LPP: variants seen among roughly 807,000 people sequenced by gnomAD.
LPP encodes LIM domain containing preferred translocation partner in lipoma.
LPP carries 38 observed loss-of-function variants against 60.4 expected under a neutral mutation model. That is an observed-to-expected ratio of 0.63 (90% CI 0.49 to 0.83). The LOEUF is 0.83. Ranked by LOEUF, LPP falls within the 40% of genes least tolerant of loss-of-function variation. LPP has a pLI of 0.00. For synonymous variants in LPP, 328 were observed against 290.8 expected (o/e 1.13, Z -1.30); for missense variants, 902 against 783.6 (o/e 1.15, Z -1.80).
At chr3:188,364,002 C>G (rs1770358753) in intron 3 of LPP, among the ~76,000 whole-genome samples, 1 of 151,598 alleles carries the variant, frequency 6.6e-6, no homozygotes, top group African/African-American at 2.4e-5. Flanking sequence ...ATTAGCTGGA[C>G]TGTCTTGGTC....
intron 6 of LPP, among the ~76,000 whole-genome samples, chr3:188,544,624 G>C (rs1826050463): frequency 7.9e-6 from 1 of 126,126 alleles, no homozygotes; most frequent in Admixed American, 8.5e-5. Flanking sequence ...GAGAGGATGT[G>C]GAGAAATAGG....
At chr3:188,586,391 C>A (rs969629910) in intron 6 of LPP, among the ~76,000 whole-genome samples, 1 of 152,144 alleles carries the variant, frequency 6.6e-6, no homozygotes, top group Non-Finnish European at 1.5e-5. Flanking sequence ...ACAGTACAAG[C>A]ACAGTAAATT....
In LPP at chr3:188,687,252, C is replaced by T. The variant is rs143071650; in HGVS notation, c.1114-21015C>T. Among the ~76,000 whole-genome samples, 149 of 152,274 alleles carry T rather than the reference C, an allele frequency of 9.8e-4. 3 individuals are homozygous for T. Among genetic ancestry groups the T allele is most frequent in the African/African-American group, 2.0e-3 (85 of 41,550 alleles). ...GATGGAGGCAGATTTCCTCTCTCCC[C>T]CACCCTGGTATACCATAGTCTGTTC... On this transcript the variant is annotated intron_variant, in intron 7 of 11. Transcript: ENST00000617246.
intron 6 of LPP, among the ~76,000 whole-genome samples, chr3:188,602,809 G>A (rs979603778): frequency 6.6e-6 from 1 of 150,376 alleles, no homozygotes; most frequent in Non-Finnish European, 1.5e-5. Flanking sequence ...GAGAAGTCAC[G>A]TGACTTTCCC....
intron 8 of LPP, among the ~76,000 whole-genome samples, chr3:188,738,574 A>G (rs1277012985): frequency 1.3e-5 from 2 of 152,158 alleles, no homozygotes; most frequent in Non-Finnish European, 2.9e-5. Flanking sequence ...GTTATATTAT[A>G]TATGTGCAAT....
rs59389556 is a variant in LPP, at chr3:188,213,961, A to AACACACACACACACACACACACACACAC, written c.-189-11431_-189-11404dup. Among the ~76,000 whole-genome samples, 264 of 130,388 alleles carry AACACACACACACACACACACACACACAC rather than the reference A, an allele frequency of 2.0e-3. 4 individuals carry two copies. The highest frequency in any genetic ancestry group is 3.7e-3 in the South Asian group (12 of 3,250). 85.5% of individuals were successfully genotyped at this position (130,388 alleles called of 152,430 possible). On this transcript the variant is annotated intron_variant, in intron 1 of 11. Transcript: ENST00000617246. ...GAGTCCTGATTCTGATTAGATTTTA[A>AACACACACACACACACACACACACACAC]ACACACACACACACACACACACACA...
rs1341342369 is a variant in LPP at position 188,879,799 on chromosome 3, A to G, written c.*5320A>G. The G allele has an allele frequency of 5.5e-6, 1 of 180,850 alleles. No homozygotes were observed. The highest frequency in any genetic ancestry group is 1.2e-5 in the Non-Finnish European group (1 of 84,652). 11.2% of individuals were successfully genotyped at this position (180,850 alleles called of 1,614,324 possible). ...ACTTAGCCTGTAAGACTAATAATAT[A>G]TTGTAATAGTTGATACTAAAATATT... On this transcript the variant is annotated 3_prime_UTR_variant, in exon 12 of 12. Transcript: ENST00000617246.
chr3:188,535,645 G>A (rs146627547), intron 6 of LPP, among the ~76,000 whole-genome samples: 1 of 152,066 alleles, frequency 6.6e-6, no homozygotes, highest in Non-Finnish European at 1.5e-5. Flanking sequence ...GCAACCTAAT[G>A]GTAACCAATG....
At chr3:188,444,879 GA>G (rs1235181133) in intron 4 of LPP, among the ~76,000 whole-genome samples, 4 of 151,832 alleles carry the variant, frequency 2.6e-5, no homozygotes, top group African/African-American at 4.8e-5. Flanking sequence ...CCAAAATATG[GA>G]AAAAAAACCT....
intron 9 of LPP, among the ~76,000 whole-genome samples, chr3:188,790,828 A>C (rs1295325750): frequency 6.6e-6 from 1 of 151,690 alleles, no homozygotes; most frequent in African/African-American, 2.4e-5. Context: ...CTCCAAAAAA[A>C]AAAAATGTTA....
chr3:188,620,153 G>A (rs552869993), intron 7 of LPP, among the ~76,000 whole-genome samples: 12 of 151,360 alleles, frequency 7.9e-5, no homozygotes, highest in East Asian at 5.8e-4. Flanking sequence ...AGTATAATTC[G>A]CCCATTTAAA....
rs565179567 is a variant in LPP at position 188,533,135 on chromosome 3, G to A, written c.429+8348G>A. Among the ~76,000 whole-genome samples the A allele has an allele frequency of 2.0e-5, 3 of 152,276 alleles. No homozygotes were observed. In the South Asian group the frequency reaches 6.2e-4, roughly 32 times the overall value. Reference sequence around the variant, plus strand: ...TAGAGCTTTTTATAAGAATTCATGTGGTCTGAGGGCTTGGGTGCAGTGTAA... The same window carrying A: ...TAGAGCTTTTTATAAGAATTCATGTAGTCTGAGGGCTTGGGTGCAGTGTAA... On this transcript the variant is annotated intron_variant, in intron 6 of 11. Transcript: ENST00000617246.
At chr3:188,710,722 T>A (rs1283795736) in intron 8 of LPP, 1 of 152,010 alleles carries the variant, frequency 6.6e-6, no homozygotes, top group Non-Finnish European at 1.5e-5. Context: ...TTACCAAGTA[T>A]ATATGCTTCA....
intron 1 of LPP, among the ~76,000 whole-genome samples, chr3:188,155,589 T>G (rs929420601): frequency 6.6e-6 from 1 of 152,108 alleles, no homozygotes; most frequent in Admixed American, 6.6e-5. Flanking sequence ...CGAAGGTGGG[T>G]GCTAGACCTA....
chr3:188,333,852 A>G (rs997345155), intron 2 of LPP, among the ~76,000 whole-genome samples: 3 of 152,156 alleles, frequency 2.0e-5, no homozygotes, highest in Non-Finnish European at 2.9e-5. Flanking sequence ...CATCACCTCA[A>G]ACGTTTATTA....
intron 6 of LPP, among the ~76,000 whole-genome samples, chr3:188,565,756 GA>G (rs1250667646): frequency 6.6e-6 from 1 of 151,910 alleles, no homozygotes; most frequent in African/African-American, 2.4e-5. Context: ...TTAAAATAAT[GA>G]AAAACATTCA....
At chr3:188,822,461 A>G (rs1250766716) in intron 9 of LPP, among the ~76,000 whole-genome samples, 1 of 152,098 alleles carries the variant, frequency 6.6e-6, no homozygotes, top group Non-Finnish European at 1.5e-5. Context: ...GACATGGCAT[A>G]TATTTATGGG....
intron 9 of LPP, among the ~76,000 whole-genome samples, chr3:188,762,305 A>G (rs1438264117): frequency 6.6e-6 from 1 of 152,200 alleles, no homozygotes; most frequent in African/African-American, 2.4e-5. Context: ...TTCCATGAAG[A>G]AGAAATGAGA....
At chr3:188,699,389 C>A (rs962275685) in intron 7 of LPP, among the ~76,000 whole-genome samples, 1 of 152,182 alleles carries the variant, frequency 6.6e-6, no homozygotes, top group Non-Finnish European at 1.5e-5. Flanking sequence ...AACAACTCCT[C>A]CTGTCTGTAA....
Sources: allele counts gnomAD v4.1 joint callset (sites outside exome capture counted in the v4.1 genomes callset), GRCh38; gene constraint gnomAD v4.1.1; transcripts MANE v1.5; gene names NCBI Gene and HGNC (gene_info 2026-07-23, HGNC 2026-07-21).